The following XKR3 variants were observed in gnomAD, a reference collection of about 807,000 sequenced individuals.
XKR3 encodes XK-related protein 3.
In XKR3, 27 loss-of-function variants were observed where a neutral mutation model predicts 40.3. The observed-to-expected ratio is 0.67, with a 90% CI of 0.49 to 0.92. XKR3 has a LOEUF of 0.92. Among genes scored for constraint, XKR3 ranks in the 40% least tolerant of loss-of-function variants. The pLI, the probability that XKR3 is intolerant of heterozygous loss-of-function variation, is 0.00. For missense variants in XKR3, 472 were observed against 537.6 expected (o/e 0.88, Z 1.21); for synonymous variants, 193 against 195.4 (o/e 0.99, Z 0.10).
rs117428480 is a variant in XKR3, at chr22:16,822,698, G to A, written c.-11+2593C>T. Among the ~76,000 whole-genome samples, 342 of 152,250 alleles carry A rather than the reference G, an allele frequency of 2.2e-3. 2 individuals carry two copies. The East Asian group carries it at 0.061, about 27-fold the overall frequency. On this transcript the variant is annotated intron_variant, in intron 1 of 3. Coordinates refer to ENST00000684488, the MANE Select transcript of XKR3 (RefSeq NM_001386955.1). ...TCAGACAAAGTAGAGCAAAAAAAATGGAAAATATCAACTGATGCTCAAGTT... is the reference window on the plus strand; with the variant it reads ...TCAGACAAAGTAGAGCAAAAAAAATAGAAAATATCAACTGATGCTCAAGTT...
intron 3 of XKR3, among the ~76,000 whole-genome samples, chr22:16,790,005 G>A (rs953590707): frequency 6.6e-6 from 1 of 152,132 alleles, no homozygotes; most frequent in African/African-American, 2.4e-5. Context: ...ATAGTGCAGT[G>A]GCGTGTACCT....
At chr22:16,821,922 A>C (rs2060258192) in intron 1 of XKR3, among the ~76,000 whole-genome samples, 1 of 152,080 alleles carries the variant, frequency 6.6e-6, no homozygotes, top group Non-Finnish European at 1.5e-5. Context: ...CGTTCTGGGC[A>C]TTTATTTTTA....
chr22:16,792,806 C>T (rs924304661), intron 3 of XKR3, among the ~76,000 whole-genome samples: 7 of 152,128 alleles, frequency 4.6e-5, no homozygotes, highest in Non-Finnish European at 4.4e-5. Flanking sequence ...TTATCAACTC[C>T]GAAAATAAAA....
intron 1 of XKR3, among the ~76,000 whole-genome samples, chr22:16,821,923 T>C (rs1372451216): frequency 6.6e-6 from 1 of 152,130 alleles, no homozygotes; most frequent in East Asian, 1.9e-4. Flanking sequence ...GTTCTGGGCA[T>C]TTATTTTTAT....
chr22:16,790,158 C>T (rs368604462), intron 3 of XKR3, among the ~76,000 whole-genome samples: 5 of 151,650 alleles, frequency 3.3e-5, no homozygotes, highest in South Asian at 4.2e-4. Context: ...TTTTTAAAAA[C>T]GTTTAAAAAT....
At chr22:16,802,977 A>T (rs892834797) in intron 2 of XKR3, among the ~76,000 whole-genome samples, 1 of 152,200 alleles carries the variant, frequency 6.6e-6, no homozygotes, top group Non-Finnish European at 1.5e-5. Flanking sequence ...GACTTTCTAA[A>T]ACCTTGTGGA....
intron 3 of XKR3, among the ~76,000 whole-genome samples, chr22:16,788,897 T>C (rs1309258539): frequency 1.3e-5 from 2 of 152,134 alleles, no homozygotes; most frequent in African/African-American, 4.8e-5. Flanking sequence ...AAAATCTAGG[T>C]GGTCATTTCA....
intron 1 of XKR3, among the ~76,000 whole-genome samples, chr22:16,821,319 A>G (rs542652770): frequency 6.6e-6 from 1 of 152,290 alleles, no homozygotes; most frequent in Non-Finnish European, 1.5e-5. Context: ...AAATATCAAT[A>G]GAAAGAATAC....
At chr22:16,788,124 A>G (rs564944220) in intron 3 of XKR3, among the ~76,000 whole-genome samples, 9 of 152,318 alleles carry the variant, frequency 5.9e-5, no homozygotes, top group Non-Finnish European at 1.0e-4. Context: ...GATCAAAGTC[A>G]TACAGGGTAT....
intron 3 of XKR3, among the ~76,000 whole-genome samples, chr22:16,797,312 A>T (rs1026717453): frequency 2.0e-5 from 3 of 152,220 alleles, no homozygotes; most frequent in African/African-American, 7.2e-5. Flanking sequence ...AAACACAAAA[A>T]TAGAAAATTG....
intron 1 of XKR3, among the ~76,000 whole-genome samples, chr22:16,817,342 T>C (rs1163809226): frequency 1.5e-4 from 9 of 59,936 alleles, no homozygotes; most frequent in Non-Finnish European, 3.6e-4. Flanking sequence ...TCTTAGGGCA[T>C]CGAACGTCCA....
intron 1 of XKR3, chr22:16,821,736 A>C (rs1383236640): frequency 2.6e-5 from 4 of 152,266 alleles, no homozygotes; most frequent in South Asian, 4.1e-4. Context: ...ATTAGATTCT[A>C]ACTCTGTAGG....
chr22:16,786,824 T>A (rs1161556269), intron 3 of XKR3, among the ~76,000 whole-genome samples: 1 of 152,100 alleles, frequency 6.6e-6, no homozygotes, highest in Non-Finnish European at 1.5e-5. Flanking sequence ...GGCACCTATA[T>A]CATTGTGCAG....
At chr22:16,799,678 T>G (rs1247196817) in intron 3 of XKR3, 93 bp downstream of exon 3, 4 of 1,394,662 alleles carry the variant, frequency 2.9e-6, no homozygotes, top group Non-Finnish European at 3.8e-6. Context: ...CAACTGTAAT[T>G]TGGGATTACA....
rs1431043108 is a variant in XKR3, at chr22:16,799,704, A to G, written c.589+67T>C. 1.3e-5 allele frequency: 20 copies of G among 1,512,232 alleles called. No homozygotes were observed. The South Asian group carries it at 2.3e-4, about 17-fold the overall frequency. 93.7% of individuals were successfully genotyped at this position (1,512,232 alleles called of 1,614,324 possible). A position where few individuals can be genotyped will look rare whatever the true frequency, so the allele number is the denominator to read the frequency against. ...TGGGATTACATATTTCAACTTCTCA[A>G]TTTCTATTATATTAGTACACTTTAT... is the stretch of plus-strand genomic sequence containing the variant. On this transcript the variant is annotated intron_variant, in intron 3 of 3. Coordinates refer to ENST00000684488, the MANE Select transcript of XKR3 (RefSeq NM_001386955.1).
chr22:16,795,139 G>A (rs1601842005), intron 3 of XKR3, among the ~76,000 whole-genome samples: 1 of 152,096 alleles, frequency 6.6e-6, no homozygotes, highest in African/African-American at 2.4e-5. Flanking sequence ...GCCTAAGATG[G>A]ACTCTGAGCA....
At chr22:16,822,891 G>T (rs751541894) in intron 1 of XKR3, among the ~76,000 whole-genome samples, 15 of 152,026 alleles carry the variant, frequency 9.9e-5, no homozygotes, top group Non-Finnish European at 2.1e-4. Flanking sequence ...GTATTTATTT[G>T]TTTATTTTTT....
intron 2 of XKR3, among the ~76,000 whole-genome samples, chr22:16,805,831 A>G (rs1428135120): frequency 1.3e-5 from 2 of 152,212 alleles, no homozygotes; most frequent in African/African-American, 2.4e-5. Context: ...GTCCATTCAA[A>G]AATCAAATAG....
rs1015036257 is a variant in XKR3 at position 16,807,810 on chromosome 22, G to A, written c.264C>T (p.Phe88=). Reference sequence around the variant, plus strand: ...CCTTATTTCTCCTCAAGTCTTTGTTGAAAAACATCAGGATAATTTGATCCA... The same window carrying A: ...CCTTATTTCTCCTCAAGTCTTTGTTAAAAAACATCAGGATAATTTGATCCA... ...AILDQIILMF[F]NKDLRRNKAA... Residue 88 remains phenylalanine (F), a synonymous_variant, in exon 2 of 4, where the codon TTC becomes TTT. Coordinates refer to ENST00000684488, the MANE Select transcript of XKR3 (RefSeq NM_001386955.1). The A allele has an allele frequency of 6.2e-7, 1 of 1,613,548 alleles. No homozygotes were observed. Among genetic ancestry groups the A allele is most frequent in the Admixed American group, 1.7e-5 (1 of 59,942 alleles).
Sources: gnomAD v4.1 joint callset for allele counts (sites outside exome capture counted in the v4.1 genomes callset) on GRCh38, gnomAD v4.1.1 for gene constraint, MANE v1.5 for transcripts, NCBI Gene and HGNC (gene_info 2026-07-23, HGNC 2026-07-21) for gene names.